The following BRI3 variants were observed in gnomAD, a reference collection of about 807,000 sequenced individuals.
BRI3 encodes brain protein I3.
BRI3 carries 6 observed loss-of-function variants against 12.8 expected under a neutral mutation model. The observed-to-expected ratio is 0.47, with a 90% CI of 0.26 to 0.93. BRI3 has a LOEUF of 0.93. Ranked by LOEUF, BRI3 falls within the 40% of genes least tolerant of loss-of-function variation. The probability of loss-of-function intolerance (pLI) is 0.15; values close to 1 mark genes in which losing one functional copy is unlikely to be tolerated. For synonymous variants in BRI3, 91 were observed against 76.1 expected, an observed-to-expected ratio of 1.20 and a Z score of -1.02; for missense variants, 134 against 171.1, an observed-to-expected ratio of 0.78 and a Z score of 1.21.
chr7:98,314,299 G>A (rs1450695716), downstream of BRI3, among the ~76,000 whole-genome samples: 2 of 152,086 alleles, frequency 1.3e-5, no homozygotes, highest in Non-Finnish European at 2.9e-5. Flanking sequence ...ATTCCTTAAA[G>A]TTGTAAAAAG....
chr7:98,289,597 A>G (rs1799830433), intron 2 of BRI3, among the ~76,000 whole-genome samples: 1 of 152,180 alleles, frequency 6.6e-6, no homozygotes, highest in Non-Finnish European at 1.5e-5. Flanking sequence ...ATCATCTATC[A>G]GACAGCCCCA....
chr7:98,320,701 C>T, the BRI3 span, among the ~76,000 whole-genome samples: 1 of 152,158 alleles, frequency 6.6e-6, no homozygotes, highest in Non-Finnish European at 1.5e-5. Context: ...AATACACTGT[C>T]CTCAGGGTCT....
chr7:98,312,062 A>G (rs1800893422), downstream of BRI3: 1 of 1,555,144 alleles, frequency 6.4e-7, no homozygotes, highest in Admixed American at 2.0e-5. Flanking sequence ...TAGGAAACAC[A>G]CGATTGAAAT....
At chr7:98,282,566 T>C (rs1799562333) in intron 2 of BRI3, 113 bp downstream of exon 2, 1 of 855,500 alleles carries the variant, frequency 1.2e-6, no homozygotes, top group East Asian at 2.7e-5. Context: ...GACTTGGATC[T>C]TGACCAGAGC....
At chr7:98,306,506 A>G (rs1262754916), upstream of BRI3, 1 of 1,614,102 alleles carries the variant, frequency 6.2e-7, no homozygotes, top group Non-Finnish European at 8.5e-7. Context: ...GACGACGGGA[A>G]CCAACCCCTC....
chr7:98,317,500 CCCA>C, the BRI3 span: 1 of 928,784 alleles, frequency 1.1e-6, no homozygotes, highest in African/African-American at 1.6e-5. Context: ...GGCTGGGGCC[CCCA>C]CACCCACACC....
chr7:98,304,348 C>T (rs754304518), upstream of BRI3: 146 of 1,613,406 alleles, frequency 9.0e-5, no homozygotes, highest in Non-Finnish European at 1.2e-4. Context: ...GACAAGTTCA[C>T]GGTGCTGATG....
upstream of BRI3, chr7:98,304,069 TCCTCCCC>T: frequency 9.9e-7 from 1 of 1,012,152 alleles, no homozygotes; most frequent in Non-Finnish European, 1.4e-6. Flanking sequence ...CCCTCCTCCC[TCCTCCCC>T]GGGGACACCA....
At chr7:98,286,323 T>A (rs6950023) in intron 2 of BRI3, among the ~76,000 whole-genome samples, 7 of 151,880 alleles carry the variant, frequency 4.6e-5, no homozygotes, top group African/African-American at 1.7e-4. Context: ...GGCCCAGCTC[T>A]GAGTGGATGA....
downstream of BRI3, chr7:98,315,435 C>A: frequency 7.2e-7 from 1 of 1,385,376 alleles, no homozygotes; most frequent in South Asian, 1.9e-5. Flanking sequence ...TTAATACGCT[C>A]AAGGCAATTT....
chr7:98,303,502 G>T (rs1334887292), upstream of BRI3, among the ~76,000 whole-genome samples: 1 of 152,174 alleles, frequency 6.6e-6, no homozygotes, highest in Non-Finnish European at 1.5e-5. Flanking sequence ...TCTCTGCATG[G>T]CTTCTAGTGT....
At chr7:98,296,290 G>A (rs1267191080), downstream of BRI3, among the ~76,000 whole-genome samples, 1 of 152,244 alleles carries the variant, frequency 6.6e-6, no homozygotes, top group Non-Finnish European at 1.5e-5. Flanking sequence ...TTCATTGTGT[G>A]CTTTTCTGTC....
At chr7:98,310,606 T>C, downstream of BRI3, 11 of 1,553,488 alleles carry the variant, frequency 7.1e-6, no homozygotes, top group Non-Finnish European at 9.5e-6. Flanking sequence ...TGAAAAATTC[T>C]TTATTAGTCC....
chr7:98,318,636 C>G, the BRI3 span, among the ~76,000 whole-genome samples: 1 of 151,346 alleles, frequency 6.6e-6, no homozygotes, highest in African/African-American at 2.4e-5. Flanking sequence ...TCCCTATAAT[C>G]TGTGAAGTGC....
At chr7:98,295,432 C>G (rs1032878222), downstream of BRI3, among the ~76,000 whole-genome samples, 2 of 152,222 alleles carry the variant, frequency 1.3e-5, no homozygotes, top group African/African-American at 4.8e-5. Context: ...TCCTGCGGGG[C>G]ACTCAACGCT....
chr7:98,305,047 GTTTT>G (rs59633894), upstream of BRI3, among the ~76,000 whole-genome samples: 2,294 of 100,530 alleles, frequency 0.023, 101 homozygotes, highest in African/African-American at 0.092. Context: ...TTTGTTTTTT[GTTTT>G]TTTTTTTTTT....
chr7:98,288,388 G>A (rs1354124221), intron 2 of BRI3, among the ~76,000 whole-genome samples: 1 of 152,148 alleles, frequency 6.6e-6, no homozygotes, highest in African/African-American at 2.4e-5. Context: ...GCAGGGCTGG[G>A]CGGAGGTGTC....
rs73391036 is a variant in BRI3 at position 98,298,112 on chromosome 7, T to C, written c.72-8371T>C. Among the ~76,000 whole-genome samples, 973 of 152,254 alleles carry C rather than the reference T, an allele frequency of 6.4e-3. 15 individuals are homozygous for C. Among genetic ancestry groups the C allele is most frequent in the African/African-American group, 0.023 (939 of 41,560 alleles). ...TATCACGTGACCTGTGGCAAACCCC[T>C]AGCTTGAGTCCTGGCAAGTCTCCCC... On this transcript the variant is annotated intron_variant and NMD_transcript_variant, in intron 1 of 2. Transcript: ENST00000491463.
exon 2 of BRI3, chr7:98,307,633 C>A: frequency 6.2e-7 from 1 of 1,601,478 alleles, no homozygotes; most frequent in Non-Finnish European, 8.5e-7. Flanking sequence ...AGCTTGGCTG[C>A]TCTGGAAGGG....
Sources: allele counts gnomAD v4.1 joint callset (sites outside exome capture counted in the v4.1 genomes callset), GRCh38; gene constraint gnomAD v4.1.1; transcripts MANE v1.5; gene names NCBI Gene and HGNC (gene_info 2026-07-23, HGNC 2026-07-21).